The following TENM2 variants were observed in gnomAD, a reference collection of about 807,000 sequenced individuals.
TENM2 encodes teneurin-2.
In TENM2, 52 loss-of-function variants were observed where a neutral mutation model predicts 245.2. The observed-to-expected ratio is 0.21, with a 90% confidence interval of 0.17 to 0.27. TENM2 has a LOEUF of 0.27. Ranked by LOEUF, TENM2 falls within the 10% of genes least tolerant of loss-of-function variation. The pLI is 1.00. For synonymous variants in TENM2, 1,363 were observed against 1,438.9 expected (o/e 0.95, Z 1.19); for missense variants, 3,046 against 3,666.8 (o/e 0.83, Z 4.37).
chr5:167,943,044 G>A (rs11960924), intron 3 of TENM2, among the ~76,000 whole-genome samples: 1,834 of 152,260 alleles, frequency 0.012, 33 homozygotes, highest in African/African-American at 0.041. Flanking sequence ...GTTACTTGAC[G>A]TGACACCAGA....
At chr5:167,254,876 G>T in the TENM2 span, among the ~76,000 whole-genome samples, 4 of 151,942 alleles carry the variant, frequency 2.6e-5, no homozygotes, top group South Asian at 2.1e-4. Flanking sequence ...AAGGGCCTGT[G>T]GGGGGATATT....
At chr5:168,215,262 G>A (rs749205472) in exon 21 of TENM2, 2 of 1,613,774 alleles carry the variant, frequency 1.2e-6, no homozygotes, top group Non-Finnish European at 1.7e-6. Flanking sequence ...CAACCCTGAT[G>A]AGCCCGAGAG....
chr5:168,171,278 G>A (rs1246282025), intron 13 of TENM2, among the ~76,000 whole-genome samples: 2 of 152,214 alleles, frequency 1.3e-5, no homozygotes, highest in East Asian at 3.8e-4. Context: ...TAAGTTCAAT[G>A]AGTCTATTTC....
chr5:167,887,101 C>T (rs1254927652), intron 3 of TENM2, among the ~76,000 whole-genome samples: 1 of 152,240 alleles, frequency 6.6e-6, no homozygotes, highest in Non-Finnish European at 1.5e-5. Context: ...ACCATCATTT[C>T]CTCAGAGCTT....
At chr5:167,413,099 T>G (rs1762991263) in intron 2 of TENM2, among the ~76,000 whole-genome samples, 1 of 152,128 alleles carries the variant, frequency 6.6e-6, no homozygotes, top group African/African-American at 2.4e-5. Flanking sequence ...GCACTATTTT[T>G]GGCATCATTT....
chr5:167,857,230 T>C (rs1458882400), intron 2 of TENM2, among the ~76,000 whole-genome samples: 1 of 152,222 alleles, frequency 6.6e-6, no homozygotes, highest in South Asian at 2.1e-4. Context: ...AAGCTGAATG[T>C]GGCTCTTTTT....
the TENM2 span, among the ~76,000 whole-genome samples, chr5:167,184,800 C>CCAGTTGGGTGTAAAGGTGTAGAG: frequency 6.6e-6 from 1 of 152,072 alleles, no homozygotes; most frequent in African/African-American, 2.4e-5. Flanking sequence ...TCAAACTGGC[C>CCAGTTGGGTGTAAAGGTGTAGAG]CAGTTGGGTG....
At chr5:167,045,645 A>G in the TENM2 span, among the ~76,000 whole-genome samples, 68 of 152,322 alleles carry the variant, frequency 4.5e-4, no homozygotes, top group African/African-American at 1.6e-3. Context: ...TTCAAGGAAA[A>G]GCACAGCTAG....
chr5:167,293,659 G>A (rs1313403479), intron 1 of TENM2, among the ~76,000 whole-genome samples: 4 of 152,070 alleles, frequency 2.6e-5, no homozygotes, highest in Non-Finnish European at 4.4e-5. Context: ...AGCCAGGAAA[G>A]GTCAACGCTT....
intron 4 of TENM2, among the ~76,000 whole-genome samples, chr5:167,973,822 C>T (rs1287435189): frequency 2.0e-5 from 3 of 152,042 alleles, no homozygotes; most frequent in Admixed American, 1.3e-4. Flanking sequence ...CTTCTGGGTG[C>T]AGTCAAGCAC....
chr5:168,203,361 G>A (rs1762084601), intron 17 of TENM2, among the ~76,000 whole-genome samples: 1 of 152,176 alleles, frequency 6.6e-6, no homozygotes, highest in African/African-American at 2.4e-5. Context: ...TCTCTAAAGG[G>A]GAATTGTGTC....
chr5:167,478,149 A>G (rs776309725), intron 2 of TENM2, among the ~76,000 whole-genome samples: 11 of 152,230 alleles, frequency 7.2e-5, no homozygotes, highest in Non-Finnish European at 1.5e-4. Context: ...TGAAGGACTG[A>G]AACAAACAAG....
At chr5:167,760,158 A>C (rs78224807) in intron 2 of TENM2, among the ~76,000 whole-genome samples, 4,980 of 152,190 alleles carry the variant, frequency 0.033, 288 homozygotes, top group African/African-American at 0.11. Flanking sequence ...CGCATGGTAC[A>C]TTTTATCCTC....
the TENM2 span, among the ~76,000 whole-genome samples, chr5:167,242,287 TG>T: frequency 6.6e-6 from 1 of 152,138 alleles, no homozygotes; most frequent in African/African-American, 2.4e-5. Flanking sequence ...TGACCTCAGG[TG>T]ATCTGTCTGC....
rs149599933 is a variant in TENM2, at chr5:167,608,708, C to T, written c.502+233235C>T. On this transcript the variant is annotated intron_variant, in intron 2 of 28. Coordinates refer to ENST00000518659, the Ensembl canonical transcript of TENM2. ...ACTAATGGACTAGAGCTTGTTGCTTCGTGTCTCACAGGAGCCTACAGATTT... is the reference window on the plus strand; with the variant it reads ...ACTAATGGACTAGAGCTTGTTGCTTTGTGTCTCACAGGAGCCTACAGATTT... Among the ~76,000 whole-genome samples, 529 of 152,162 alleles carry T rather than the reference C, an allele frequency of 3.5e-3. 3 individuals are homozygous for T. Among genetic ancestry groups the T allele is most frequent in the Middle Eastern group, 6.8e-3 (2 of 294 alleles).
intron 2 of TENM2, among the ~76,000 whole-genome samples, chr5:167,649,255 A>G (rs1000251820): frequency 6.6e-6 from 1 of 152,164 alleles, no homozygotes; most frequent in Non-Finnish European, 1.5e-5. Flanking sequence ...GTGGGCTAGA[A>G]GTCAAATCTC....
At chr5:167,941,230 G>A (rs935193324) in intron 3 of TENM2, among the ~76,000 whole-genome samples, 2 of 152,142 alleles carry the variant, frequency 1.3e-5, no homozygotes, top group Admixed American at 1.3e-4. Context: ...TTATTTTAAG[G>A]TTTTTCATGC....
At chr5:167,771,586 C>T (rs116077894) in intron 2 of TENM2, among the ~76,000 whole-genome samples, 222 of 152,256 alleles carry the variant, frequency 1.5e-3, no homozygotes, top group African/African-American at 5.1e-3. Flanking sequence ...TCTCATCCTA[C>T]GCTACTAAAA....
At chr5:167,387,793 T>C (rs1761530125) in intron 2 of TENM2, among the ~76,000 whole-genome samples, 1 of 152,188 alleles carries the variant, frequency 6.6e-6, no homozygotes, top group Admixed American at 6.5e-5. Context: ...TTTTTGCTTA[T>C]AATTCTGTTT....
Sources: gnomAD v4.1 joint callset for allele counts (sites outside exome capture counted in the v4.1 genomes callset) on GRCh38, gnomAD v4.1.1 for gene constraint, MANE v1.5 for transcripts, NCBI Gene and HGNC (gene_info 2026-07-23, HGNC 2026-07-21) for gene names.